Variants in TMIGD2 observed in about 807,000 individuals in gnomAD.
TMIGD2 encodes the protein transmembrane and immunoglobulin domain containing 2.
TMIGD2 carries 18 observed loss-of-function variants against 22.6 expected under a neutral mutation model. That is an observed-to-expected ratio of 0.80 (90% confidence interval 0.55 to 1.18). The LOEUF (loss-of-function observed/expected upper bound fraction) is 1.18, where lower values mean the gene tolerates loss of function less well. TMIGD2 is among the 50% of genes most tolerant of loss of function. TMIGD2 has a pLI of 0.00. For synonymous variants in TMIGD2, 184 were observed against 154.1 expected (o/e 1.19, Z -1.44); for missense variants, 361 against 378.2 (o/e 0.95, Z 0.38).
chr19:4,294,944 T>C (rs529212054), intron 2 of TMIGD2, 128 bp from the exon 3 acceptor site: 2 of 917,782 alleles, frequency 2.2e-6, no homozygotes, highest in African/African-American at 1.7e-5. Flanking sequence ...GTGTTCACTC[T>C]GAACCTCTGT....
intron 2 of TMIGD2, among the ~76,000 whole-genome samples, 170 bp from the exon 3 acceptor site, chr19:4,294,986 C>T (rs565881547): frequency 7.4e-4 from 112 of 152,016 alleles, no homozygotes; most frequent in Middle Eastern, 6.8e-3. Context: ...CTCAGCAGGA[C>T]GCGGTGGCTC....
At chr19:4,293,248 A>G (rs947036736) in intron 4 of TMIGD2, among the ~76,000 whole-genome samples, 42 of 141,722 alleles carry the variant, frequency 3.0e-4, no homozygotes, top group Admixed American at 2.0e-3. Context: ...GGCGTGAGCC[A>G]CCGCGCCCGG....
At position 4,297,921 on chromosome 19, in the gene TMIGD2, C is replaced by G. The variant is rs145774734; in HGVS notation, c.406+65G>C. 8,181 of 1,473,970 alleles carry G rather than the reference C, an allele frequency of 5.6e-3. 35 individuals are homozygous for G. The highest frequency in any genetic ancestry group is 0.021 in the African/African-American group (1,443 of 69,890). 91.3% of individuals were successfully genotyped at this position (1,473,970 alleles called of 1,614,324 possible). ...GTTTTTTGTTTCTAGGAGTTTAAGA[C>G]TCAAAAGTCTTAAGATTCTAGGATC... On this transcript the variant is annotated intron_variant, in intron 2 of 4. Coordinates refer to ENST00000301272, the Ensembl canonical transcript of TMIGD2.
At chr19:4,295,566 A>G (rs916612827) in intron 2 of TMIGD2, among the ~76,000 whole-genome samples, 22 of 151,932 alleles carry the variant, frequency 1.4e-4, no homozygotes, top group Admixed American at 3.3e-4. Context: ...TCGAAAAAAA[A>G]AAAGAAAAAT....
Position 4,302,335 on chromosome 19 carries a change from C to T in TMIGD2, c.46+5G>A, listed in dbSNP as rs780986373. ...TTCAGAGGGGAGGGAGGCCCAGATA[C>T]TCACCCCAGATCTGCACCAGGAGGC... On this transcript the variant is annotated splice_donor_5th_base_variant and intron_variant, in intron 1 of 4. Transcript: ENST00000301272. 2 of 1,572,362 alleles carry T rather than the reference C, an allele frequency of 1.3e-6. No individual in the cohort carries two copies. Among genetic ancestry groups the T allele is most frequent in the Middle Eastern group, 1.7e-4 (1 of 6,004 alleles).
At chr19:4,302,135 G>A (rs1006860735) in intron 1 of TMIGD2, among the ~76,000 whole-genome samples, 6 of 152,042 alleles carry the variant, frequency 3.9e-5, no homozygotes, top group African/African-American at 1.4e-4. Flanking sequence ...TGGTATGTAG[G>A]GCAAGGTTTA....
intron 4 of TMIGD2, among the ~76,000 whole-genome samples, chr19:4,293,857 G>A (rs1209422236): frequency 1.3e-5 from 2 of 151,926 alleles, no homozygotes; most frequent in Admixed American, 6.6e-5. Flanking sequence ...TGCCTCCTGG[G>A]TTCCAGTGAT....
intron 4 of TMIGD2, among the ~76,000 whole-genome samples, chr19:4,293,260 C>CTTTTTTTT (rs150388447): frequency 1.1e-3 from 120 of 112,402 alleles, no homozygotes; most frequent in African/African-American, 4.2e-3. Flanking sequence ...CGCGCCCGGC[C>CTTTTTTTT]TTTTTTTTTT....
chr19:4,301,727 C>T (rs1056382342), intron 1 of TMIGD2, among the ~76,000 whole-genome samples: 37 of 152,064 alleles, frequency 2.4e-4, no homozygotes, highest in African/African-American at 8.0e-4. Flanking sequence ...AAAGTGCAAG[C>T]GGCTGGAATC....
rs758313911 is a variant in TMIGD2 at position 4,292,597 on chromosome 19, TCTCA to T, written c.847_*1del. On this transcript the variant is annotated stop_lost and 3_prime_UTR_variant, in exon 5 of 5. Coordinates refer to ENST00000301272, the Ensembl canonical transcript of TMIGD2. The stretch of plus-strand genomic sequence containing the variant: ...GGTCCTGTTGAGGTCTCCTGGGATC[TCTCA>T]CTCCTCTCCCACTTTGGGGAACCCT... 2.4e-5 allele frequency: 38 copies of T among 1,612,716 alleles called. 1 individual carries two copies. Among genetic ancestry groups the T allele is most frequent in the South Asian group, 1.1e-4 (10 of 91,020 alleles).
chr19:4,297,502 T>G (rs1313030069), intron 2 of TMIGD2, among the ~76,000 whole-genome samples: 1 of 152,184 alleles, frequency 6.6e-6, no homozygotes, highest in Non-Finnish European at 1.5e-5. Context: ...CCCAAAATGC[T>G]GGGATTACAA....
At chr19:4,295,234 C>T (rs1212095672) in intron 2 of TMIGD2, among the ~76,000 whole-genome samples, 2 of 131,422 alleles carry the variant, frequency 1.5e-5, no homozygotes, top group East Asian at 2.3e-4. Context: ...ACGCTCCAGC[C>T]TGGGTGACAG....
chr19:4,297,071 T>TG (rs989200469), intron 2 of TMIGD2, among the ~76,000 whole-genome samples: 6 of 131,064 alleles, frequency 4.6e-5, no homozygotes, highest in Non-Finnish European at 8.0e-5. Flanking sequence ...TGAGAGTCTG[T>TG]GGCTTTTTTT....
At chr19:4,299,963 A>G (rs1031438959) in intron 1 of TMIGD2, among the ~76,000 whole-genome samples, 7 of 150,336 alleles carry the variant, frequency 4.7e-5, no homozygotes, top group African/African-American at 9.8e-5. Flanking sequence ...TGCAGGATCA[A>G]CCTCCTGGGT....
chr19:4,296,869 G>A (rs1486825820), intron 2 of TMIGD2, among the ~76,000 whole-genome samples: 2 of 152,196 alleles, frequency 1.3e-5, no homozygotes, highest in African/African-American at 4.8e-5. Flanking sequence ...ATCCCCTTGG[G>A]TTTCCCGATT....
At chr19:4,296,794 A>C (rs1312015922) in intron 2 of TMIGD2, among the ~76,000 whole-genome samples, 2 of 152,206 alleles carry the variant, frequency 1.3e-5, no homozygotes, top group Non-Finnish European at 2.9e-5. Context: ...TCATTCTGCC[A>C]GAGGGGGCTG....
In TMIGD2 at chr19:4,294,565, AC is replaced by A. The variant is rs770298991; in HGVS notation, c.562+1del. 1.7e-5 allele frequency: 27 copies of A among 1,610,990 alleles called. No homozygotes were observed. Among genetic ancestry groups the A allele is most frequent in the Non-Finnish European group, 2.2e-5 (26 of 1,178,930 alleles). On this transcript the variant is annotated splice_donor_variant, in intron 4 of 4. Coordinates refer to ENST00000301272, the Ensembl canonical transcript of TMIGD2. LOFTEE classifies it high-confidence loss of function. ...CACCTCCTCCGCCCTACCCTCCCTT[AC>A]CTGGGCTGTTACCTGAGTCCCTTTG... is the stretch of plus-strand genomic sequence containing the variant.
Position 4,294,561 on chromosome 19 carries a change from C to A in TMIGD2, c.562+6G>T. 1 of 1,611,674 alleles carries A rather than the reference C, an allele frequency of 6.2e-7. No individual in the cohort carries two copies. Among genetic ancestry groups the A allele is most frequent in the Non-Finnish European group, 8.5e-7 (1 of 1,179,064 alleles). On this transcript the variant is annotated splice_donor_region_variant and intron_variant, in intron 4 of 4. Transcript: ENST00000301272. ...TTCCCACCTCCTCCGCCCTACCCTC[C>A]CTTACCTGGGCTGTTACCTGAGTCC... is the stretch of plus-strand genomic sequence containing the variant.
intron 1 of TMIGD2, among the ~76,000 whole-genome samples, chr19:4,300,951 G>A (rs1027284833): frequency 6.7e-6 from 1 of 150,092 alleles, no homozygotes; most frequent in Non-Finnish European, 1.5e-5. Context: ...GGAAGAAATA[G>A]TCCAATTGAA....
Sources: gnomAD v4.1 joint callset for allele counts (sites outside exome capture counted in the v4.1 genomes callset) on GRCh38, gnomAD v4.1.1 for gene constraint, MANE v1.5 for transcripts, NCBI Gene and HGNC (gene_info 2026-07-23, HGNC 2026-07-21) for gene names.